Variants in COL21A1 observed in about 807,000 individuals in gnomAD.
COL21A1 encodes the protein collagen type XXI alpha 1 chain, also known as collagen alpha-1(XXI) chain.
COL21A1 carries 149 observed loss-of-function variants against 137.9 expected under a neutral mutation model. That is an observed-to-expected ratio of 1.08 (90% CI 0.95 to 1.24). COL21A1 has a LOEUF of 1.24. Ranked by LOEUF, COL21A1 falls within the 50% of genes most tolerant of loss-of-function variation. The pLI is 0.00. For missense variants in COL21A1, 1,167 were observed against 1,158.4 expected (o/e 1.01, Z -0.11); for synonymous variants, 456 against 391.5 (o/e 1.16, Z -1.95).
chr6:56,261,485 A>G (rs1763274312), intron 1 of COL21A1, among the ~76,000 whole-genome samples: 1 of 152,154 alleles, frequency 6.6e-6, no homozygotes, highest in Non-Finnish European at 1.5e-5. Context: ...GTGCCCACCT[A>G]AAAGAGACCC....
intron 20 of COL21A1, among the ~76,000 whole-genome samples, chr6:56,072,944 CA>C (rs1204639756): frequency 3.3e-5 from 5 of 151,228 alleles, no homozygotes; most frequent in Non-Finnish European, 1.5e-5. Context: ...TAAAAATAAA[CA>C]AACTGTGATA....
intron 12 of COL21A1, among the ~76,000 whole-genome samples, chr6:56,128,730 C>A (rs1773252784): frequency 1.3e-5 from 2 of 152,176 alleles, no homozygotes; most frequent in Admixed American, 1.3e-4. Flanking sequence ...TCGCGGCTCA[C>A]TGCAACCTCT....
Position 56,328,764 on chromosome 6 carries a change from T to C in COL21A1, c.-39+65207A>G, listed in dbSNP as rs374117840. 5.3e-5 allele frequency among the ~76,000 whole-genome samples: 8 copies of C among 152,106 alleles called. No homozygotes were observed. The East Asian group carries it at 1.2e-3, about 22-fold the overall frequency. The stretch of plus-strand genomic sequence containing the variant: ...TTTTCCCACCCACTATCTTAAAATA[T>C]ATAACAGAAAAACATGCCTCGAAAT... On this transcript the variant is annotated intron_variant, in intron 1 of 28. Transcript: ENST00000370819.
intron 1 of COL21A1, among the ~76,000 whole-genome samples, chr6:56,195,851 A>G (rs1046154126): frequency 2.0e-5 from 3 of 152,118 alleles, no homozygotes; most frequent in African/African-American, 7.2e-5. Context: ...AAAATTAAAG[A>G]AAAGAAAATA....
chr6:56,382,123 G>T (rs1240201976), intron 1 of COL21A1, among the ~76,000 whole-genome samples: 1 of 151,582 alleles, frequency 6.6e-6, no homozygotes, highest in East Asian at 1.9e-4. Flanking sequence ...TGTCAGGACT[G>T]GTGAGATTTA....
rs146926434 is a variant in COL21A1, at chr6:56,079,824, G to A, written c.1813-2251C>T. Reference sequence around the variant, plus strand: ...TAATGGATCTTCTATGTCCAATTATGCTAAGAATTATTACTTCTTTTACAA... The same window carrying A: ...TAATGGATCTTCTATGTCCAATTATACTAAGAATTATTACTTCTTTTACAA... On this transcript the variant is annotated intron_variant, in intron 17 of 29. Transcript: ENST00000244728. 5.5e-4 allele frequency among the ~76,000 whole-genome samples: 84 copies of A among 151,494 alleles called. 1 individual carries two copies. Among genetic ancestry groups the A allele is most frequent in the South Asian group, 1.2e-3 (6 of 4,806 alleles).
intron 1 of COL21A1, among the ~76,000 whole-genome samples, chr6:56,224,587 A>C (rs1344027634): frequency 6.6e-6 from 1 of 152,092 alleles, no homozygotes; most frequent in Admixed American, 6.6e-5. Flanking sequence ...TGGGAGACAT[A>C]AACGAATTTT....
intron 17 of COL21A1, among the ~76,000 whole-genome samples, chr6:56,097,232 G>A (rs552687112): frequency 6.6e-6 from 1 of 152,192 alleles, no homozygotes; most frequent in Non-Finnish European, 1.5e-5. Flanking sequence ...CCTCTCCTGT[G>A]TTCCCCAATC....
intron 24 of COL21A1, among the ~76,000 whole-genome samples, chr6:56,063,342 G>A (rs1048523182): frequency 3.3e-5 from 5 of 152,068 alleles, no homozygotes; most frequent in Non-Finnish European, 7.4e-5. Context: ...TTGATAAAAG[G>A]TCTGGGCTGT....
At chr6:56,218,897 T>G (rs1444288694) in intron 1 of COL21A1, among the ~76,000 whole-genome samples, 1 of 152,062 alleles carries the variant, frequency 6.6e-6, no homozygotes, top group Non-Finnish European at 1.5e-5. Context: ...GAGCAATCAC[T>G]GAAGCTAATC....
intron 1 of COL21A1, among the ~76,000 whole-genome samples, chr6:56,308,719 C>T (rs1022290031): frequency 3.7e-5 from 4 of 106,772 alleles, no homozygotes; most frequent in African/African-American, 5.8e-5. Context: ...GGATAGATCT[C>T]GTTAAATGTT....
chr6:56,168,398 C>T (rs1776764587), intron 5 of COL21A1, 101 bp from the exon 6 acceptor site: 7 of 941,138 alleles, frequency 7.4e-6, no homozygotes. Context: ...TGAGAAACTT[C>T]ATCCCACACA....
chr6:56,131,608 G>A (rs1050439386), intron 12 of COL21A1, among the ~76,000 whole-genome samples: 13 of 152,064 alleles, frequency 8.5e-5, no homozygotes, highest in East Asian at 1.9e-4. Flanking sequence ...CTGTCAAGCT[G>A]GACAGTGTGA....
intron 7 of COL21A1, among the ~76,000 whole-genome samples, chr6:56,165,024 G>A (rs978537075): frequency 2.0e-5 from 2 of 98,170 alleles, no homozygotes; most frequent in Admixed American, 2.0e-4. Context: ...GGAGAATACA[G>A]AAAGGATATA....
chr6:56,158,731 C>T lies in COL21A1; in HGVS notation c.1372-1782G>A, dbSNP rs1216286556. Among the ~76,000 whole-genome samples the T allele has an allele frequency of 2.6e-5, 4 of 152,070 alleles. No homozygotes were observed. The East Asian group carries it at 5.8e-4, about 22-fold the overall frequency. Reference sequence around the variant, plus strand: ...ACAACAGGAAAAAAAATGGAAAGAACTAAGTGAACTCTAATAAGGAACCAA... The same window carrying T: ...ACAACAGGAAAAAAAATGGAAAGAATTAAGTGAACTCTAATAAGGAACCAA... On this transcript the variant is annotated intron_variant, in intron 9 of 29. Transcript: ENST00000244728.
chr6:56,179,988 C>A lies in COL21A1; in HGVS notation c.230G>T (p.Gly77Val), dbSNP rs767169171. Residue 77 changes from glycine to valine, a missense_variant, in exon 3 of 30, where the codon GGA (glycine) becomes GTA (valine). Coordinates refer to ENST00000244728, the MANE Select transcript of COL21A1 (RefSeq NM_030820.4). ...AGGGTAGTCACTATATTGAACCACTCCAACTTGAATAAACTTCGGCCCTAT... is the reference window on the plus strand; with the variant it reads ...AGGGTAGTCACTATATTGAACCACTACAACTTGAATAAACTTCGGCCCTAT... The part of the protein sequence containing the change: ...FDIGPKFIQV[G>V]VVQYSDYPVL... The A allele has an allele frequency of 1.2e-6, 2 of 1,613,890 alleles. No individual in the cohort carries two copies. Among genetic ancestry groups the A allele is most frequent in the Admixed American group, 1.7e-5 (1 of 60,008 alleles).
intron 1 of COL21A1, among the ~76,000 whole-genome samples, chr6:56,212,000 G>A (rs1780203705): frequency 6.6e-6 from 1 of 151,920 alleles, no homozygotes; most frequent in African/African-American, 2.4e-5. Flanking sequence ...AGAAAAAGGT[G>A]GTATCAACTC....
intron 1 of COL21A1, among the ~76,000 whole-genome samples, chr6:56,329,557 G>T (rs925299232): frequency 1.3e-5 from 2 of 152,020 alleles, no homozygotes; most frequent in Non-Finnish European, 2.9e-5. Flanking sequence ...GAGAGGAAAT[G>T]AAAAAGATTG....
chr6:56,101,594 A>T, intron 16 of COL21A1, 69 bp from the exon 17 acceptor site: 1 of 1,009,466 alleles, frequency 9.9e-7, no homozygotes, highest in Non-Finnish European at 1.5e-6. Flanking sequence ...ATAACAATAT[A>T]TAACATTACA....
Sources: allele counts gnomAD v4.1 joint callset (sites outside exome capture counted in the v4.1 genomes callset), GRCh38; gene constraint gnomAD v4.1.1; transcripts MANE v1.5; gene names NCBI Gene and HGNC (gene_info 2026-07-23, HGNC 2026-07-21).